LRRC17: variants seen among roughly 807,000 people sequenced by gnomAD.
LRRC17 encodes leucine-rich repeat-containing protein 17.
A neutral mutation model predicts 41.5 loss-of-function variants in LRRC17; 33 were observed. The ratio of observed to expected loss-of-function variants is 0.80; its 90% CI spans 0.60 to 1.06. The LOEUF is 1.06. LRRC17 is among the 50% of genes least tolerant of loss of function. The pLI, the probability that LRRC17 is intolerant of heterozygous loss-of-function variation, is 0.00. For synonymous variants in LRRC17, 192 were observed against 197.0 expected, an observed-to-expected ratio of 0.97 and a Z score of 0.21; for missense variants, 491 against 519.3, an observed-to-expected ratio of 0.95 and a Z score of 0.53.
chr7:102,927,743 A>AT (rs1471707664), intron 1 of LRRC17, among the ~76,000 whole-genome samples: 1 of 152,186 alleles, frequency 6.6e-6, no homozygotes, highest in African/African-American at 2.4e-5. Flanking sequence ...AGCTGTCAGC[A>AT]TTTTTTCTAG....
intron 2 of LRRC17, among the ~76,000 whole-genome samples, chr7:102,936,871 T>C (rs1820416165): frequency 1.3e-5 from 2 of 152,226 alleles, no homozygotes; most frequent in Non-Finnish European, 2.9e-5. Context: ...GCTTTTATGC[T>C]CTTGGGCCAT....
At chr7:102,913,399 C>T (rs1413631177) in intron 1 of LRRC17, among the ~76,000 whole-genome samples, 2 of 152,184 alleles carry the variant, frequency 1.3e-5, no homozygotes, top group Non-Finnish European at 2.9e-5. Flanking sequence ...TATAAGGTAA[C>T]ACACAATACA....
At chr7:102,941,074 A>AT (rs1012323295) in intron 3 of LRRC17, among the ~76,000 whole-genome samples, 3 of 152,240 alleles carry the variant, frequency 2.0e-5, no homozygotes, top group Non-Finnish European at 4.4e-5. Flanking sequence ...TTTTTTAAAA[A>AT]TTAGAAAAGC....
At chr7:102,942,230 T>C (rs2129475657) in intron 3 of LRRC17, 1 of 1,352,328 alleles carries the variant, frequency 7.4e-7, no homozygotes, top group South Asian at 1.3e-5. Context: ...AAAAGTATCT[T>C]GGCAGTTAAG....
chr7:102,933,840 G>A lies in LRRC17; in HGVS notation c.-74G>A, dbSNP rs1361507322. ...GAACTGCATTAGTTAAGATTACCCA[G>A]ACTTGGATTTCAAAGGAATACTTTC... On this transcript the variant is annotated 5_prime_UTR_variant, in exon 2 of 4. Coordinates refer to ENST00000339431, the MANE Select transcript of LRRC17 (RefSeq NM_001031692.3). 6.9e-7 allele frequency: 1 copy of A among 1,444,796 alleles called. No homozygotes were observed. Among genetic ancestry groups the A allele is most frequent in the East Asian group, 2.5e-5 (1 of 40,472 alleles). 89.5% of individuals were successfully genotyped at this position (1,444,796 alleles called of 1,614,324 possible).
chr7:102,927,827 T>A (rs1818419830), intron 1 of LRRC17, among the ~76,000 whole-genome samples: 1 of 152,202 alleles, frequency 6.6e-6, no homozygotes, highest in East Asian at 1.9e-4. Context: ...CCAAAAAGAA[T>A]CTAGAGAATA....
intron 3 of LRRC17, 32 bp from the exon 4 acceptor site, chr7:102,944,178 A>T: frequency 6.4e-7 from 1 of 1,561,252 alleles, no homozygotes; most frequent in Non-Finnish European, 8.7e-7. Flanking sequence ...TAACTCAATT[A>T]CTCAGGCTCA....
At chr7:102,913,234 G>T in intron 1 of LRRC17, 89 bp downstream of exon 1, 4 of 1,613,850 alleles carry the variant, frequency 2.5e-6, no homozygotes, top group Non-Finnish European at 3.4e-6. Flanking sequence ...ACAAAAGAGA[G>T]GAAGGAAAGT....
chr7:102,935,242 C>CTTTTT (rs71106700), intron 2 of LRRC17, among the ~76,000 whole-genome samples: 18 of 76,404 alleles, frequency 2.4e-4, no homozygotes, highest in African/African-American at 8.1e-4. Context: ...TTTTTTCTTT[C>CTTTTT]TTTTTTTTTT....
At chr7:102,915,085 G>C (rs1376598894) in intron 1 of LRRC17, among the ~76,000 whole-genome samples, 1 of 151,540 alleles carries the variant, frequency 6.6e-6, no homozygotes, top group African/African-American at 2.4e-5. Context: ...TAATCTCTCA[G>C]AGATTGTTTT....
At position 102,944,896 on chromosome 7, in the gene LRRC17, T is replaced by A. The variant is rs1218377969; in HGVS notation, c.*289T>A. On this transcript the variant is annotated 3_prime_UTR_variant, in exon 4 of 4. Transcript: ENST00000339431. ...CATTAGACTTTCATAATGTCCTGTA[T>A]AAATGTTTTTACTGCTTTTAGAAAA... is the stretch of plus-strand genomic sequence containing the variant. The A allele has an allele frequency of 3.8e-6, 1 of 263,698 alleles. No homozygotes were observed. The highest frequency in any genetic ancestry group is 5.3e-5 in the Admixed American group (1 of 19,038). 16.3% of individuals were successfully genotyped at this position (263,698 alleles called of 1,614,324 possible).
chr7:102,934,062 C>G lies in LRRC17; in HGVS notation c.149C>G (p.Pro50Arg). Residue 50 changes from proline to arginine, a missense_variant, in exon 2 of 4, where the codon CCA becomes CGA. Transcript: ENST00000339431. The stretch of plus-strand genomic sequence containing the variant: ...TCCAACCCGGTCAAACGCTACGCAC[C>G]AGGCCTCCCGTGTGACGTGTACACA... ...RGSNPVKRYA[P>R]GLPCDVYTYL... is the part of the protein sequence containing the mutation. 3 of 1,614,188 alleles carry G rather than the reference C, an allele frequency of 1.9e-6. No individual in the cohort carries two copies. Among genetic ancestry groups the G allele is most frequent in the Non-Finnish European group, 2.5e-6 (3 of 1,180,024 alleles).
At chr7:102,943,277 G>A (rs750054679) in intron 3 of LRRC17, among the ~76,000 whole-genome samples, 4 of 150,572 alleles carry the variant, frequency 2.7e-5, no homozygotes, top group Non-Finnish European at 5.9e-5. Flanking sequence ...TCTTACATGC[G>A]AAATATTTTC....
At chr7:102,914,731 G>T (rs1002789356) in intron 1 of LRRC17, among the ~76,000 whole-genome samples, 2 of 152,208 alleles carry the variant, frequency 1.3e-5, no homozygotes, top group Non-Finnish European at 2.9e-5. Context: ...GAAGGCTTTG[G>T]ACTCACCAGT....
intron 3 of LRRC17, among the ~76,000 whole-genome samples, chr7:102,941,265 G>A (rs1821365108): frequency 6.6e-6 from 1 of 152,088 alleles, no homozygotes; most frequent in African/African-American, 2.4e-5. Flanking sequence ...ACATTAGTGT[G>A]CAAGTCAGTC....
intron 1 of LRRC17, among the ~76,000 whole-genome samples, chr7:102,923,548 C>T (rs537627046): frequency 2.0e-5 from 3 of 152,234 alleles, no homozygotes; most frequent in South Asian, 4.1e-4. Context: ...TAAGGCCGGG[C>T]GCGGTGGCTC....
intron 1 of LRRC17, among the ~76,000 whole-genome samples, chr7:102,915,127 T>A (rs908249522): frequency 1.0e-3 from 150 of 150,536 alleles, no homozygotes; most frequent in African/African-American, 3.6e-3. Flanking sequence ...AAAATATTTT[T>A]TTTTTTTTTT....
In LRRC17 at chr7:102,934,265, T is replaced by G; in HGVS notation, c.352T>G (p.Ser118Ala). 6.2e-7 allele frequency: 1 copy of G among 1,614,152 alleles called. No individual in the cohort carries two copies. The highest frequency in any genetic ancestry group is 8.5e-7 in the Non-Finnish European group (1 of 1,180,028). Residue 118 changes from serine to alanine, a missense_variant, in exon 2 of 4, where the codon TCT becomes GCT. Coordinates refer to ENST00000339431, the MANE Select transcript of LRRC17 (RefSeq NM_001031692.3). ...KSLDLQQNEI[S>A]KIESEAFFGL... ...CCTGGATCTGCAGCAGAATGAGATC[T>G]CTAAAATTGAGAGTGAGGCGTTCTT...
chr7:102,923,666 C>G (rs942697413), intron 1 of LRRC17, among the ~76,000 whole-genome samples: 1 of 151,412 alleles, frequency 6.6e-6, no homozygotes, highest in African/African-American at 2.4e-5. Context: ...ACTAAAAATA[C>G]AAAAAAACTT....
Sources: allele counts gnomAD v4.1 joint callset (sites outside exome capture counted in the v4.1 genomes callset), GRCh38; gene constraint gnomAD v4.1.1; transcripts MANE v1.5; gene names NCBI Gene and HGNC (gene_info 2026-07-23, HGNC 2026-07-21).